The following NELL1 variants were observed in gnomAD, a reference collection of about 807,000 sequenced individuals.
NELL1 encodes the protein neural EGFL like 1.
In NELL1, 76 loss-of-function variants were observed where a neutral mutation model predicts 107.4. The ratio of observed to expected loss-of-function variants is 0.71; its 90% confidence interval spans 0.59 to 0.86. The LOEUF is 0.86. Ranked by LOEUF, NELL1 falls within the 40% of genes least tolerant of loss-of-function variation. The probability of loss-of-function intolerance (pLI) is 0.00; values close to 1 mark genes in which losing one functional copy is unlikely to be tolerated. For synonymous variants in NELL1, 353 were observed against 341.2 expected (o/e 1.03, Z -0.38); for missense variants, 1,024 against 1,005.5 (o/e 1.02, Z -0.25).
chr11:21,139,841 C>A (rs896576213), intron 13 of NELL1, among the ~76,000 whole-genome samples: 1 of 152,106 alleles, frequency 6.6e-6, no homozygotes, highest in Admixed American at 6.6e-5. Flanking sequence ...GGAGGTCAGG[C>A]AGTTTGGGGA....
In NELL1 at chr11:20,854,887, TA is replaced by T. The variant is rs113136081; in HGVS notation, c.506+7137del. On this transcript the variant is annotated intron_variant, in intron 4 of 19. Coordinates refer to ENST00000357134, the MANE Select transcript of NELL1 (RefSeq NM_006157.5). ...TGGATGCTGCTAAGTCACAGAGATT[TA>T]AATAACAGGAAATAGAGTTAATGTT... 8.9e-3 allele frequency among the ~76,000 whole-genome samples: 1,351 copies of T among 152,352 alleles called. 22 individuals carry two copies. Among genetic ancestry groups the T allele is most frequent in the African/African-American group, 0.03 (1,240 of 41,574 alleles).
intron 5 of NELL1, among the ~76,000 whole-genome samples, chr11:20,894,431 A>G (rs886067239): frequency 6.6e-6 from 1 of 152,216 alleles, no homozygotes; most frequent in Non-Finnish European, 1.5e-5. Context: ...TACATCAATA[A>G]TGAAAAGTCT....
chr11:20,990,415 A>C (rs1156821806), intron 12 of NELL1, among the ~76,000 whole-genome samples: 1 of 152,182 alleles, frequency 6.6e-6, no homozygotes, highest in African/African-American at 2.4e-5. Context: ...CACAGTGCCC[A>C]CTTGACCATA....
At chr11:21,322,186 C>G (rs984025032) in intron 14 of NELL1, among the ~76,000 whole-genome samples, 2 of 152,182 alleles carry the variant, frequency 1.3e-5, no homozygotes, top group Non-Finnish European at 2.9e-5. Flanking sequence ...ATTTTAAGCT[C>G]TGACTTTATA....
chr11:21,115,331 A>AAC (rs66507806), intron 13 of NELL1, among the ~76,000 whole-genome samples: 9,360 of 140,564 alleles, frequency 0.067, 495 homozygotes, highest in African/African-American at 0.15. Context: ...GTCTACATCA[A>AAC]ACACACACAC....
intron 12 of NELL1, among the ~76,000 whole-genome samples, chr11:21,067,685 T>C (rs1045751627): frequency 6.6e-5 from 10 of 152,154 alleles, no homozygotes; most frequent in African/African-American, 2.4e-4. Context: ...GAATAAGATA[T>C]ATTTCTAAAA....
chr11:21,158,494 C>A (rs1018506865), intron 13 of NELL1, among the ~76,000 whole-genome samples: 1 of 152,126 alleles, frequency 6.6e-6, no homozygotes, highest in Non-Finnish European at 1.5e-5. Flanking sequence ...TTATTGTTTT[C>A]CAATTTTACT....
intron 13 of NELL1, among the ~76,000 whole-genome samples, chr11:21,142,303 T>A (rs1452864702): frequency 6.6e-6 from 1 of 152,228 alleles, no homozygotes; most frequent in Non-Finnish European, 1.5e-5. Context: ...TGGCAGGCAC[T>A]GTGGACTGGT....
chr11:21,057,178 C>T (rs1853633046), intron 12 of NELL1, among the ~76,000 whole-genome samples: 2 of 151,846 alleles, frequency 1.3e-5, no homozygotes, highest in Non-Finnish European at 1.5e-5. Context: ...CAAAACAAAA[C>T]ACATAAGAAG....
intron 13 of NELL1, among the ~76,000 whole-genome samples, chr11:21,219,384 C>A (rs1857695766): frequency 6.6e-6 from 1 of 152,110 alleles, no homozygotes; most frequent in African/African-American, 2.4e-5. Context: ...GGATATTAAT[C>A]CCTTGTCACA....
intron 3 of NELL1, among the ~76,000 whole-genome samples, chr11:20,837,366 A>T (rs1370909106): frequency 6.6e-6 from 1 of 152,168 alleles, no homozygotes; most frequent in East Asian, 1.9e-4. Flanking sequence ...AGATACAAAT[A>T]GATACATATA....
At chr11:20,973,125 T>TTTTTTTA (rs1851534337) in intron 12 of NELL1, among the ~76,000 whole-genome samples, 9 of 148,754 alleles carry the variant, frequency 6.1e-5, no homozygotes, top group South Asian at 2.1e-4. Flanking sequence ...TTTTTTTTTT[T>TTTTTTTA]GAGACAGAGT....
At position 21,278,625 on chromosome 11, in the gene NELL1, T is replaced by A. The variant is rs554676968; in HGVS notation, c.1549+49171T>A. 1.1e-4 allele frequency among the ~76,000 whole-genome samples: 17 copies of A among 152,132 alleles called. No homozygotes were observed. In the South Asian group the frequency reaches 2.9e-3, roughly 26 times the overall value. On this transcript the variant is annotated intron_variant, in intron 14 of 19. Transcript: ENST00000357134. ...TAAGAGGAAAACTATAAAACTCAGT[T>A]TAAAAAAAATCAAAGAACTAAATAG...
Position 21,118,539 on chromosome 11 carries a change from T to C in NELL1, c.1426+4825T>C, listed in dbSNP as rs935850827. On this transcript the variant is annotated intron_variant, in intron 13 of 19. Coordinates refer to ENST00000357134, the MANE Select transcript of NELL1 (RefSeq NM_006157.5). Reference sequence around the variant, plus strand: ...TTCCCTTAGTGGTCATTTGCCTGTGTAATAAATGAGGTGTATGATAGATAT... The same window carrying C: ...TTCCCTTAGTGGTCATTTGCCTGTGCAATAAATGAGGTGTATGATAGATAT... 1.1e-4 allele frequency among the ~76,000 whole-genome samples: 17 copies of C among 152,082 alleles called. 1 individual carries two copies. The highest frequency in any genetic ancestry group is 2.1e-4 in the Non-Finnish European group (14 of 67,960).
chr11:20,902,575 T>C (rs1348311421), intron 5 of NELL1, among the ~76,000 whole-genome samples: 2 of 152,066 alleles, frequency 1.3e-5, no homozygotes, highest in East Asian at 1.9e-4. Flanking sequence ...ATCCTTGTAA[T>C]GTGCATACAT....
intron 5 of NELL1, among the ~76,000 whole-genome samples, chr11:20,909,793 A>G (rs919350394): frequency 3.3e-5 from 5 of 152,110 alleles, no homozygotes; most frequent in Non-Finnish European, 5.9e-5. Flanking sequence ...TGCCCAGGAC[A>G]GTTTTCATTC....
chr11:20,897,528 C>T (rs934830778), intron 5 of NELL1, among the ~76,000 whole-genome samples: 1 of 152,152 alleles, frequency 6.6e-6, no homozygotes, highest in African/African-American at 2.4e-5. Context: ...ATGTCTAAAA[C>T]ACCAAAAGCA....
At chr11:21,324,123 A>G (rs530124414) in intron 14 of NELL1, among the ~76,000 whole-genome samples, 3 of 152,196 alleles carry the variant, frequency 2.0e-5, no homozygotes, top group African/African-American at 7.2e-5. Flanking sequence ...GGTGCTGGAT[A>G]CTTTGCTAGC....
chr11:20,834,154 G>A (rs1848486236), intron 3 of NELL1, among the ~76,000 whole-genome samples: 1 of 152,194 alleles, frequency 6.6e-6, no homozygotes, highest in Non-Finnish European at 1.5e-5. Flanking sequence ...AGTAGTAGAT[G>A]TTGGTGGATA....
Sources: allele counts gnomAD v4.1 joint callset (sites outside exome capture counted in the v4.1 genomes callset), GRCh38; gene constraint gnomAD v4.1.1; transcripts MANE v1.5; gene names NCBI Gene and HGNC (gene_info 2026-07-23, HGNC 2026-07-21).